SYNE2: variants seen among roughly 807,000 people sequenced by gnomAD.
The protein encoded by SYNE2 is spectrin repeat containing nuclear envelope protein 2.
In SYNE2, 431 loss-of-function variants were observed where a neutral mutation model predicts 856.3. The ratio of observed to expected loss-of-function variants is 0.50; its 90% CI spans 0.47 to 0.55. SYNE2 has a LOEUF of 0.55. Among genes scored for constraint, SYNE2 ranks in the 20% least tolerant of loss-of-function variants. The pLI, the probability that SYNE2 is intolerant of heterozygous loss-of-function variation, is 0.00. For synonymous variants in SYNE2, 2,923 were observed against 2,872.3 expected (o/e 1.02, Z -0.56); for missense variants, 8,129 against 8,023.2 (o/e 1.01, Z -0.50).
intron 62 of SYNE2, 112 bp downstream of exon 62, chr14:64,098,258 A>G: frequency 8.4e-7 from 1 of 1,185,234 alleles, no homozygotes; most frequent in Non-Finnish European, 1.2e-6. Flanking sequence ...GTAGTAAAGG[A>G]ATTTTTTAAA....
At chr14:64,220,670 C>A (rs376962725) in intron 111 of SYNE2, 33 bp downstream of exon 111, 33 of 1,610,588 alleles carry the variant, frequency 2.0e-5, no homozygotes, top group Middle Eastern at 1.9e-4. Context: ...CTCCCAGAGC[C>A]GGTACCCAGG....
At position 63,993,925 on chromosome 14, in the gene SYNE2, A is replaced by T. The variant is rs2153490505; in HGVS notation, c.2737A>T (p.Met913Leu). 6.2e-7 allele frequency: 1 copy of T among 1,613,534 alleles called. No homozygotes were observed. The highest frequency in any genetic ancestry group is 2.2e-5 in the East Asian group (1 of 44,876). Residue 913 changes from methionine to leucine, a missense_variant, in exon 22 of 116, where the codon ATG becomes TTG. By Grantham distance (15) the Met-to-Leu change is conservative (BLOSUM62 2). Transcript: ENST00000555002. ...LKNNVTEDIKMSLEEKSRDVC... is the reference protein window; with the variant it reads ...LKNNVTEDIKLSLEEKSRDVC... ...AAATAATGTAACTGAGGACATAAAG[A>T]TGTCTTTAGAAGAAAAGAGTAGAGA...
chr14:63,931,561 A>AAAAG lies in SYNE2; in HGVS notation c.80-9037_80-9034dup, dbSNP rs551079564. On this transcript the variant is annotated intron_variant, in intron 2 of 115. Transcript: ENST00000555002. The stretch of plus-strand genomic sequence containing the variant: ...CGAGACTCTGTCTCAAAAAAAAAAA[A>AAAAG]AAAGAAAGAAAGAAAGAAACAAAAA... Among the ~76,000 whole-genome samples, 48 of 151,170 alleles carry AAAAG rather than the reference A, an allele frequency of 3.2e-4. 1 individual carries two copies. The highest frequency in any genetic ancestry group is 1.1e-3 in the African/African-American group (46 of 40,692).
At position 64,073,991 on chromosome 14, in the gene SYNE2, A is replaced by G. The variant is rs755972675; in HGVS notation, c.10721A>G (p.Asn3574Ser). The G allele has an allele frequency of 5.6e-6, 9 of 1,614,228 alleles. No individual in the cohort carries two copies. In the Admixed American group the frequency reaches 1.5e-4, roughly 27 times the overall value. ...CNKLLQKVQK[N>S]KELVQTEIQE... ...AGGCTTCTTCAGAAAGTTCAGAAAAATAAAGAATTGGTGCAGACTGAAATC... is the reference window on the plus strand; with the variant it reads ...AGGCTTCTTCAGAAAGTTCAGAAAAGTAAAGAATTGGTGCAGACTGAAATC... The change falls in exon 53 of 116, where the codon AAT becomes AGT. Residue 3574 changes from asparagine (N) to serine (S), a missense_variant. Around this residue, in one of 3 missense-constraint regions of SYNE2, gnomAD observed 5,410 missense variants for 5,284.8 expected, o/e 1.02. Transcript: ENST00000555002.
intron 1 of SYNE2, among the ~76,000 whole-genome samples, chr14:63,774,622 T>A (rs1334105526): frequency 2.0e-5 from 3 of 151,146 alleles, no homozygotes; most frequent in African/African-American, 7.3e-5. Flanking sequence ...GCAGCCCCCA[T>A]GTCCCAGGAT....
chr14:64,075,690 G>T, intron 53 of SYNE2: 1 of 447,322 alleles, frequency 2.2e-6, no homozygotes, highest in Non-Finnish European at 4.1e-6. Context: ...GAAGCAGGGG[G>T]TGTTGTAATG....
chr14:63,977,553 T>C (rs1161214032), intron 12 of SYNE2, among the ~76,000 whole-genome samples: 1 of 152,170 alleles, frequency 6.6e-6, no homozygotes, highest in Non-Finnish European at 1.5e-5. Context: ...GGGGGTAGTT[T>C]CATCCTAGGC....
chr14:63,930,470 C>G (rs1440063515), intron 2 of SYNE2, among the ~76,000 whole-genome samples: 3 of 151,710 alleles, frequency 2.0e-5, no homozygotes, highest in Non-Finnish European at 4.4e-5. Context: ...TGGGACCCTT[C>G]CAGACCTTGC....
intron 1 of SYNE2, among the ~76,000 whole-genome samples, chr14:63,847,158 A>C (rs1001139593): frequency 1.3e-5 from 2 of 151,654 alleles, no homozygotes; most frequent in African/African-American, 4.8e-5. Context: ...TGTTTAACTA[A>C]AATGAGCCTG....
chr14:63,817,971 G>C (rs150507396), intron 1 of SYNE2, among the ~76,000 whole-genome samples: 5,798 of 136,316 alleles, frequency 0.043, 150 homozygotes, highest in Middle Eastern at 0.13. Flanking sequence ...GCTACAGTGA[G>C]CCATGATAGC....
At chr14:63,781,455 A>T (rs921941312) in intron 1 of SYNE2, among the ~76,000 whole-genome samples, 2 of 151,988 alleles carry the variant, frequency 1.3e-5, no homozygotes, top group Admixed American at 1.3e-4. Context: ...ATAAATAAGT[A>T]TATAGGAAGA....
At chr14:64,063,165 C>T (rs2153588929) in intron 50 of SYNE2, among the ~76,000 whole-genome samples, 1 of 152,276 alleles carries the variant, frequency 6.6e-6, no homozygotes, top group East Asian at 1.9e-4. Flanking sequence ...TCTCCTGCCT[C>T]GGCCTCCTGA....
At chr14:63,961,023 C>T in intron 8 of SYNE2, 1 of 500,288 alleles carries the variant, frequency 2.0e-6, no homozygotes, top group Non-Finnish European at 3.5e-6. Context: ...TTACTTGTTC[C>T]ATGAATGAAT....
chr14:64,077,273 C>A (rs1043736023), intron 54 of SYNE2, among the ~76,000 whole-genome samples: 3 of 152,086 alleles, frequency 2.0e-5, no homozygotes, highest in African/African-American at 7.2e-5. Context: ...TAATGTATCT[C>A]AATGGTATAC....
intron 45 of SYNE2, among the ~76,000 whole-genome samples, chr14:64,036,465 G>C (rs1346771239): frequency 2.0e-5 from 3 of 151,838 alleles, no homozygotes; most frequent in Non-Finnish European, 4.4e-5. Flanking sequence ...TTGTATTTTT[G>C]GTAGAGACGG....
Position 64,021,307 on chromosome 14 carries a change from G to A in SYNE2, c.5152-8G>A. ...TGTTATACAACTTCATATATTTCAT[G>A]ATTTCAGGTCATGGAGTCCTCTATT... On this transcript the variant is annotated splice_polypyrimidine_tract_variant and splice_region_variant and intron_variant, in intron 35 of 115. Coordinates refer to ENST00000555002, the MANE Select transcript of SYNE2 (RefSeq NM_182914.3). 6.2e-7 allele frequency: 1 copy of A among 1,610,004 alleles called. No individual in the cohort carries two copies. Among genetic ancestry groups the A allele is most frequent in the Non-Finnish European group, 8.5e-7 (1 of 1,176,310 alleles).
chr14:63,952,121 G>A (rs967023750), intron 7 of SYNE2, among the ~76,000 whole-genome samples: 2 of 152,148 alleles, frequency 1.3e-5, no homozygotes, highest in South Asian at 4.1e-4. Flanking sequence ...AGATGAATCA[G>A]GCCCCGTTCT....
chr14:64,029,777 C>T (rs570095857), intron 43 of SYNE2, 118 bp from the exon 44 acceptor site: 57 of 1,188,628 alleles, frequency 4.8e-5, no homozygotes, highest in Middle Eastern at 2.5e-4. Flanking sequence ...AATTTATAGC[C>T]GTATTCCTGT....
At chr14:63,769,757 A>G (rs1383004733) in intron 1 of SYNE2, among the ~76,000 whole-genome samples, 1 of 144,938 alleles carries the variant, frequency 6.9e-6, no homozygotes, top group East Asian at 2.1e-4. Context: ...AAATCAGCTG[A>G]GTGTGGTGGC....
Sources: allele counts gnomAD v4.1 joint callset (sites outside exome capture counted in the v4.1 genomes callset), GRCh38; gene constraint gnomAD v4.1.1; regional missense constraint gnomAD v4.1.1; transcripts MANE v1.5; gene names NCBI Gene and HGNC (gene_info 2026-07-23, HGNC 2026-07-21).